Variants in FAM3B observed in about 807,000 individuals in gnomAD.
FAM3B encodes protein FAM3B.
In FAM3B, 29 loss-of-function variants were observed where a neutral mutation model predicts 28.4. That is an observed-to-expected ratio of 1.02 (90% CI 0.76 to 1.39). The LOEUF (loss-of-function observed/expected upper bound fraction) is 1.39, where lower values mean the gene tolerates loss of function less well. FAM3B is among the 40% of genes most tolerant of loss of function. The pLI is 0.00. For missense variants in FAM3B, 266 were observed against 293.9 expected (o/e 0.91, Z 0.69); for synonymous variants, 91 against 103.0 (o/e 0.88, Z 0.71).
At position 41,348,584 on chromosome 21, in the gene FAM3B, T is replaced by C; in HGVS notation, c.486-8T>C. 6.2e-7 allele frequency: 1 copy of C among 1,614,212 alleles called. No individual in the cohort carries two copies. Among genetic ancestry groups the C allele is most frequent in the Non-Finnish European group, 8.5e-7 (1 of 1,180,032 alleles). On this transcript the variant is annotated splice_region_variant and splice_polypyrimidine_tract_variant and intron_variant, in intron 6 of 7. Transcript: ENST00000357985. ...AGATGCTCACATGCTTTTCCCTTTG[T>C]CCTGCAGACTGAATAACGATGCCAA...
intron 1 of FAM3B, among the ~76,000 whole-genome samples, chr21:41,307,051 T>G (rs2123682119): frequency 6.6e-6 from 1 of 152,352 alleles, no homozygotes; most frequent in Non-Finnish European, 1.5e-5. Flanking sequence ...TCTCTAACTC[T>G]GAAAGTCCCA....
At chr21:41,321,673 G>C (rs940207887) in intron 1 of FAM3B, among the ~76,000 whole-genome samples, 2 of 152,238 alleles carry the variant, frequency 1.3e-5, no homozygotes, top group Non-Finnish European at 2.9e-5. Context: ...AGGCTAACCA[G>C]AAACATCGCG....
chr21:41,321,395 C>T (rs1040714448), intron 1 of FAM3B, among the ~76,000 whole-genome samples: 1 of 152,158 alleles, frequency 6.6e-6, no homozygotes, highest in Non-Finnish European at 1.5e-5. Flanking sequence ...GTGCAGCGCC[C>T]GCAGGTGGCT....
In FAM3B at chr21:41,326,416, C is replaced by A. The variant is rs905110078; in HGVS notation, c.163+3350C>A. ...AGGCCCTGTGAGGAAACACAAATGCCCATCTGTGTGTCACCCATAGTCACT... is the reference window on the plus strand; with the variant it reads ...AGGCCCTGTGAGGAAACACAAATGCACATCTGTGTGTCACCCATAGTCACT... On this transcript the variant is annotated intron_variant, in intron 2 of 7. Transcript: ENST00000357985. This position sits in a 1 kb window ranked among gnomAD's most constrained non-coding sequence, Gnocchi z 4.0. Among the ~76,000 whole-genome samples the A allele has an allele frequency of 6.6e-6, 1 of 152,176 alleles. No individual in the cohort carries two copies.
In FAM3B at chr21:41,347,019, C is replaced by T; in HGVS notation, c.404C>T (p.Ser135Phe). Residue 135 changes from serine to phenylalanine, a missense_variant, in exon 6 of 8, where the codon TCT becomes TTT. By Grantham distance (155) the Ser-to-Phe change is radical (BLOSUM62 -2). Transcript: ENST00000357985. ...RCFDMYEGDNSGPMTKFIQSA... is the reference protein window; with the variant it reads ...RCFDMYEGDNFGPMTKFIQSA... Reference sequence around the variant, plus strand: ...GACTTGCATCCCCCAATAGATAACTCTGGACCGATGACAAAGTTTATTCAG... The same window carrying T: ...GACTTGCATCCCCCAATAGATAACTTTGGACCGATGACAAAGTTTATTCAG... The T allele has an allele frequency of 6.2e-7, 1 of 1,614,128 alleles. No individual in the cohort carries two copies. Among genetic ancestry groups the T allele is most frequent in the Non-Finnish European group, 8.5e-7 (1 of 1,179,980 alleles).
chr21:41,341,055 A>G (rs902512512), intron 3 of FAM3B, among the ~76,000 whole-genome samples: 3 of 152,238 alleles, frequency 2.0e-5, no homozygotes, highest in Non-Finnish European at 4.4e-5. Flanking sequence ...GTATACACTC[A>G]TATGTACACA....
At position 41,350,566 on chromosome 21, in the gene FAM3B, C is replaced by A. The variant is rs528279157; in HGVS notation, c.618+1842C>A. On this transcript the variant is annotated intron_variant, in intron 7 of 7. Transcript: ENST00000357985. ...CACCAGCCCACCCCAAACCCAGATC[C>A]CTCCGCACAGCTTCTGCAATCAATG... Among the ~76,000 whole-genome samples, 80 of 152,342 alleles carry A rather than the reference C, an allele frequency of 5.3e-4. 1 individual carries two copies. The Middle Eastern group carries it at 0.01, about 19-fold the overall frequency.
At chr21:41,311,253 T>A (rs13051758) in intron 1 of FAM3B, among the ~76,000 whole-genome samples, 1,512 of 21,204 alleles carry the variant, frequency 0.071, 28 homozygotes, top group East Asian at 0.16. Flanking sequence ...AAAAAAAAAA[T>A]ATATATATAT....
At chr21:41,322,550 T>G (rs758972049) in intron 1 of FAM3B, 1 of 713,614 alleles carries the variant, frequency 1.4e-6, no homozygotes, top group Non-Finnish European at 2.6e-6. Context: ...AATCCAGTTG[T>G]GTCTCACAAA....
chr21:41,343,024 C>T (rs187944333), intron 3 of FAM3B, among the ~76,000 whole-genome samples: 2 of 152,314 alleles, frequency 1.3e-5, no homozygotes, highest in East Asian at 3.9e-4. Context: ...ATTTTCTGGG[C>T]CACCTAGTTG....
upstream of FAM3B, among the ~76,000 whole-genome samples, chr21:41,316,535 TG>T (rs1458684975): frequency 6.6e-6 from 1 of 152,200 alleles, no homozygotes; most frequent in Non-Finnish European, 1.5e-5. Flanking sequence ...AAGTATCAAG[TG>T]GCGTCGTTTC....
chr21:41,305,709 A>G (rs545036978), intron 1 of FAM3B, among the ~76,000 whole-genome samples: 29 of 152,350 alleles, frequency 1.9e-4, no homozygotes, highest in South Asian at 8.3e-4. Context: ...ATTTTAAAAT[A>G]CTTTATTGCT....
chr21:41,327,216 A>G (rs1387133490), intron 2 of FAM3B, among the ~76,000 whole-genome samples: 6 of 152,390 alleles, frequency 3.9e-5, no homozygotes, highest in Non-Finnish European at 8.8e-5. Context: ...TTGCAGTCAC[A>G]GCCCTTAGCT....
At chr21:41,318,435 C>T (rs1017496547) in intron 1 of FAM3B, among the ~76,000 whole-genome samples, 7 of 152,114 alleles carry the variant, frequency 4.6e-5, no homozygotes, top group African/African-American at 9.7e-5. Context: ...TTGAAGTGGG[C>T]GTTGGCCTGT....
intron 1 of FAM3B, among the ~76,000 whole-genome samples, chr21:41,317,289 C>T (rs1382220203): frequency 6.8e-6 from 1 of 147,628 alleles, no homozygotes; most frequent in Non-Finnish European, 1.5e-5. Flanking sequence ...CTTCTCCTTC[C>T]GGGGAAGGGT....
At chr21:41,344,765 G>C (rs77751326) in intron 4 of FAM3B, among the ~76,000 whole-genome samples, 5,938 of 152,112 alleles carry the variant, frequency 0.039, 158 homozygotes, top group African/African-American at 0.062. Context: ...TTTAAAAAAA[G>C]AAAAAAACAG....
At chr21:41,323,559 G>A (rs2088829397) in intron 2 of FAM3B, among the ~76,000 whole-genome samples, 1 of 152,214 alleles carries the variant, frequency 6.6e-6, no homozygotes, top group African/African-American at 2.4e-5. Context: ...TCTCTGTAGG[G>A]CGGCTGCTTT....
chr21:41,313,168 G>T (rs1008282739), upstream of FAM3B, among the ~76,000 whole-genome samples: 4 of 152,160 alleles, frequency 2.6e-5, no homozygotes, highest in Non-Finnish European at 5.9e-5. Context: ...CCCCTGATTG[G>T]CTCTGTCATC....
chr21:41,312,029 C>T (rs1317585657), upstream of FAM3B, among the ~76,000 whole-genome samples: 1 of 152,174 alleles, frequency 6.6e-6, no homozygotes, highest in East Asian at 1.9e-4. Flanking sequence ...GACCCATTCA[C>T]TATCATGAGA....
Sources: gnomAD v4.1 joint callset for allele counts (sites outside exome capture counted in the v4.1 genomes callset) on GRCh38, gnomAD v4.1.1 for gene constraint, Gnocchi (gnomAD v3.1) non-coding constraint, MANE v1.5 for transcripts, NCBI Gene and HGNC (gene_info 2026-07-23, HGNC 2026-07-21) for gene names.